Variants in ZNF775 observed in about 807,000 individuals in gnomAD.
ZNF775 encodes the protein zinc finger protein 775.
In ZNF775, 1 loss-of-function variant was observed where a neutral mutation model predicts 2.4. The observed-to-expected ratio is 0.41, with a 90% CI of 0.15 to 1.94. ZNF775 has a LOEUF of 1.94. Among genes scored for constraint, ZNF775 ranks in the 30% most tolerant of loss-of-function variants. ZNF775 has a pLI of 0.30. For missense variants in ZNF775, 823 were observed against 826.6 expected, an observed-to-expected ratio of 1.00 and a Z score of 0.05; for synonymous variants, 381 against 373.3, an observed-to-expected ratio of 1.02 and a Z score of -0.24.
intron 2 of ZNF775, among the ~76,000 whole-genome samples, chr7:150,391,826 C>G (rs1800564997): frequency 6.9e-6 from 1 of 145,574 alleles, no homozygotes; most frequent in South Asian, 2.2e-4. Context: ...ATTTTCCTGC[C>G]TCAGCCTCCT....
At chr7:150,391,961 G>A (rs937999941) in intron 2 of ZNF775, among the ~76,000 whole-genome samples, 6 of 151,932 alleles carry the variant, frequency 3.9e-5, no homozygotes, top group South Asian at 2.1e-4. Flanking sequence ...TGATCCTCCC[G>A]CCTCGGCCTC....
In ZNF775 at chr7:150,382,412, A is replaced by G. The variant is rs1005027446; in HGVS notation, c.-50+3020A>G. Among the ~76,000 whole-genome samples the G allele has an allele frequency of 6.6e-6, 1 of 152,044 alleles. No homozygotes were observed. Among genetic ancestry groups the G allele is most frequent in the African/African-American group, 2.4e-5 (1 of 41,428 alleles). ...GCGCTGCAATGACTGGCCAGGGACT[A>G]GCAGCGGCTCAGTGGTGGGTGGGCT... On this transcript the variant is annotated intron_variant, in intron 1 of 2. Coordinates refer to ENST00000329630, the MANE Select transcript of ZNF775 (RefSeq NM_173680.4). The surrounding 1 kb of genome is among the most constrained non-coding windows in gnomAD (Gnocchi z 4.6).
chr7:150,384,617 CT>C lies in ZNF775; in HGVS notation c.-49-3803del, dbSNP rs1271801557. 6.6e-6 allele frequency among the ~76,000 whole-genome samples: 1 copy of C among 152,146 alleles called. No individual in the cohort carries two copies. The highest frequency in any genetic ancestry group is 1.5e-5 in the Non-Finnish European group (1 of 68,012). ...ACAGGTAGAGGCGGGTCCCCAAAGA[CT>C]TGGCCTCCCCTCATTCCTGTCCTCT... On this transcript the variant is annotated intron_variant, in intron 1 of 2. Transcript: ENST00000329630. This position sits in a 1 kb window ranked among gnomAD's most constrained non-coding sequence, Gnocchi z 4.1.
chr7:150,394,021 G>A (rs530125422), intron 2 of ZNF775, among the ~76,000 whole-genome samples: 33 of 152,282 alleles, frequency 2.2e-4, no homozygotes, highest in African/African-American at 2.9e-4. Flanking sequence ...TTTTAATGTC[G>A]TATAAGCCAA....
intron 2 of ZNF775, among the ~76,000 whole-genome samples, chr7:150,395,688 C>T (rs1044566704): frequency 2.0e-5 from 3 of 152,204 alleles, no homozygotes; most frequent in African/African-American, 7.2e-5. Flanking sequence ...TTCTTTATGG[C>T]TTCTTATTCT....
rs755994889 is a variant in ZNF775 at position 150,397,759 on chromosome 7, G to A, written c.1278G>A (p.Arg426=). Residue 426 remains arginine, a synonymous_variant, in exon 3 of 3, where the codon CGG becomes CGA. Coordinates refer to ENST00000329630, the MANE Select transcript of ZNF775 (RefSeq NM_173680.4). ...GCTCCCAACGGTCCCCGGGGGCCCG[G>A]GACACGCTGTGGGGCCGGGGACAAG... ...PRSSQRSPGA[R]DTLWGRGQAG... 1.3e-6 allele frequency: 2 copies of A among 1,509,024 alleles called. No homozygotes were observed. The highest frequency in any genetic ancestry group is 1.2e-5 in the South Asian group (1 of 80,884). The allele number at this position is 1,509,024 out of a possible 1,614,324, so 93.5% of individuals were successfully genotyped here. A position where few individuals can be genotyped will look rare whatever the true frequency, so the allele number is the denominator to read the frequency against.
intron 1 of ZNF775, among the ~76,000 whole-genome samples, chr7:150,381,759 G>T (rs1337803741): frequency 6.6e-6 from 1 of 152,128 alleles, no homozygotes; most frequent in Non-Finnish European, 1.5e-5. Context: ...CTTTGGGTTG[G>T]ACAGTGGCCC....
In ZNF775 at chr7:150,397,393, T is replaced by C. The variant is rs1279183090; in HGVS notation, c.912T>C (p.Thr304=). 1 of 1,589,030 alleles carries C rather than the reference T, an allele frequency of 6.3e-7. No individual in the cohort carries two copies. The highest frequency in any genetic ancestry group is 1.1e-5 in the South Asian group (1 of 90,480). ...TGAACATCCACCAGCGCATCCACAC[T>C]GGCGAGCGCCCCTATGCGTGCCCCG... ...SSLNIHQRIH[T]GERPYACPEC... The change falls in exon 3 of 3, where the codon ACT becomes ACC. Residue 304 remains threonine (T), a synonymous_variant. Coordinates refer to ENST00000329630, the MANE Select transcript of ZNF775 (RefSeq NM_173680.4).
At position 150,384,311 on chromosome 7, in the gene ZNF775, C is replaced by T. The variant is rs1271621425; in HGVS notation, c.-49-4111C>T. ...TGGTGTGGGCACTGGTGGGAGATGG[C>T]GCATCTGGCCCTTGATGCCTGTCTT... On this transcript the variant is annotated intron_variant, in intron 1 of 2. Transcript: ENST00000329630. This position sits in a 1 kb window ranked among gnomAD's most constrained non-coding sequence, Gnocchi z 4.1. Among the ~76,000 whole-genome samples, 1 of 152,160 alleles carries T rather than the reference C, an allele frequency of 6.6e-6. No homozygotes were observed. The highest frequency in any genetic ancestry group is 1.5e-5 in the Non-Finnish European group (1 of 68,026).
intron 2 of ZNF775, among the ~76,000 whole-genome samples, chr7:150,394,652 C>G (rs191043869): frequency 7.5e-6 from 1 of 133,918 alleles, no homozygotes; most frequent in African/African-American, 3.0e-5. Flanking sequence ...TCTCTCTCTC[C>G]CTCCCTCCCT....
Position 150,397,308 on chromosome 7 carries a change from G to T in ZNF775, c.827G>T (p.Gly276Val). 1.3e-6 allele frequency: 2 copies of T among 1,575,082 alleles called. No individual in the cohort carries two copies. ...GCGGTCTCCGGCCCCGAGGGGCCGGGCGAGCCGCGCCAGTTCATCTGCAAC... is the reference window on the plus strand; with the variant it reads ...GCGGTCTCCGGCCCCGAGGGGCCGGTCGAGCCGCGCCAGTTCATCTGCAAC... Reference protein sequence around the residue: ...RAAVSGPEGPGEPRQFICNEC... With the variant: ...RAAVSGPEGPVEPRQFICNEC... The change falls in exon 3 of 3, where the codon GGC becomes GTC. Residue 276 changes from glycine to valine, a missense_variant. Gly to Val is a moderately radical substitution (Grantham distance 109). Coordinates refer to ENST00000329630, the MANE Select transcript of ZNF775 (RefSeq NM_173680.4).
intron 1 of ZNF775, among the ~76,000 whole-genome samples, chr7:150,385,140 C>A (rs1390533378): frequency 3.9e-5 from 6 of 152,132 alleles, no homozygotes; most frequent in Non-Finnish European, 8.8e-5. Context: ...GGGAGGAGCC[C>A]CCAGCACCCA....
intron 1 of ZNF775, among the ~76,000 whole-genome samples, chr7:150,387,667 G>C (rs1184191510): frequency 2.6e-5 from 4 of 152,154 alleles, no homozygotes; most frequent in Non-Finnish European, 5.9e-5. Flanking sequence ...CAAAAAAATA[G>C]CCAGGCGTGG....
rs760144248 is a variant in ZNF775 at position 150,397,997 on chromosome 7, G to C, written c.1516G>C (p.Ala506Pro). The C allele has an allele frequency of 6.3e-7, 1 of 1,589,072 alleles. No individual in the cohort carries two copies. The highest frequency in any genetic ancestry group is 1.7e-4 in the Middle Eastern group (1 of 6,042). Residue 506 changes from alanine (A) to proline (P), a missense_variant, in exon 3 of 3, where the codon GCC becomes CCC. Coordinates refer to ENST00000329630, the MANE Select transcript of ZNF775 (RefSeq NM_173680.4). ...AGGCGAGCGGCCCTACCTGTGTCCC[G>C]CCTGCGGCCGCGGCTTCAGCCAGAA... The part of the protein sequence containing the change: ...HTGERPYLCP[A>P]CGRGFSQKQH...
intron 1 of ZNF775, among the ~76,000 whole-genome samples, chr7:150,386,972 C>G (rs1227743549): frequency 6.6e-6 from 1 of 152,112 alleles, no homozygotes; most frequent in Middle Eastern, 3.4e-3. Context: ...AGAGAGGAAA[C>G]GGGAGGTGGA....
chr7:150,391,327 G>C (rs77128933), intron 2 of ZNF775, among the ~76,000 whole-genome samples: 1 of 152,156 alleles, frequency 6.6e-6, no homozygotes, highest in Non-Finnish European at 1.5e-5. Context: ...GGCCAACATG[G>C]TGAAACCCCA....
intron 1 of ZNF775, among the ~76,000 whole-genome samples, chr7:150,380,588 G>A (rs1229744925): frequency 1.3e-5 from 2 of 152,206 alleles, no homozygotes; most frequent in Non-Finnish European, 2.9e-5. Context: ...GCGAGGACAC[G>A]GTGAGTTCAA....
At chr7:150,381,729 T>C (rs1268219348) in intron 1 of ZNF775, among the ~76,000 whole-genome samples, 1 of 152,108 alleles carries the variant, frequency 6.6e-6, no homozygotes, top group African/African-American at 2.4e-5. Context: ...TCTCAGCGGC[T>C]TTTTCCACTA....
rs1412426758 is a variant in ZNF775, at chr7:150,382,173, G to C, written c.-50+2781G>C. ...TCCTCCTGCATGGTGGAGCGTGGAG[G>C]CTCCTGTGTGGCGCTGGGGGCCTCT... On this transcript the variant is annotated intron_variant, in intron 1 of 2. Coordinates refer to ENST00000329630, the MANE Select transcript of ZNF775 (RefSeq NM_173680.4). This position sits in a 1 kb window ranked among gnomAD's most constrained non-coding sequence, Gnocchi z 4.6. 6.6e-6 allele frequency among the ~76,000 whole-genome samples: 1 copy of C among 152,276 alleles called. No homozygotes were observed. The highest frequency in any genetic ancestry group is 1.5e-5 in the Non-Finnish European group (1 of 68,012).
Sources: gnomAD v4.1 joint callset for allele counts (sites outside exome capture counted in the v4.1 genomes callset) on GRCh38, gnomAD v4.1.1 for gene constraint, Gnocchi (gnomAD v3.1) non-coding constraint, MANE v1.5 for transcripts, NCBI Gene and HGNC (gene_info 2026-07-23, HGNC 2026-07-21) for gene names.